The following DIP2C variants were observed in gnomAD, a reference collection of about 807,000 sequenced individuals.
DIP2C encodes DIP2 acetate--CoA ligase C (putative), also known as disco-interacting protein 2 homolog C.
DIP2C carries 33 observed loss-of-function variants against 192.4 expected under a neutral mutation model. The ratio of observed to expected loss-of-function variants is 0.17; its 90% confidence interval spans 0.13 to 0.23. The LOEUF is 0.23. DIP2C is among the 10% of genes least tolerant of loss of function. The pLI is 1.00. For synonymous variants in DIP2C, 979 were observed against 864.1 expected, an observed-to-expected ratio of 1.13 and a Z score of -2.33; for missense variants, 1,537 against 2,110.1, an observed-to-expected ratio of 0.73 and a Z score of 5.32.
chr10:514,578 A>G (rs1212278498), intron 1 of DIP2C, among the ~76,000 whole-genome samples: 2 of 152,014 alleles, frequency 1.3e-5, no homozygotes, highest in Non-Finnish European at 2.9e-5. Context: ...ACCTCACTCC[A>G]AGGACCGCGG....
chr10:364,032 A>T (rs1959873035), intron 20 of DIP2C, among the ~76,000 whole-genome samples: 1 of 152,106 alleles, frequency 6.6e-6, no homozygotes, highest in Admixed American at 6.5e-5. Flanking sequence ...TGACTGAACC[A>T]TTGTCCTTGG....
Position 367,199 on chromosome 10 carries a change from C to T in DIP2C, c.2132-788G>A, listed in dbSNP as rs190407107. 8.7e-3 allele frequency among the ~76,000 whole-genome samples: 1,328 copies of T among 152,262 alleles called. 40 individuals are homozygous for T. The highest frequency in any genetic ancestry group is 0.069 in the East Asian group (355 of 5,158). On this transcript the variant is annotated intron_variant, in intron 18 of 36. Transcript: ENST00000280886. ...TTGGGAGGCCGAGGCGGGCGGATCA[C>T]AAGGTCAGGAGATCGAGACCATCCT...
intron 4 of DIP2C, among the ~76,000 whole-genome samples, chr10:425,850 T>C (rs910103253): frequency 1.3e-5 from 2 of 152,214 alleles, no homozygotes; most frequent in Admixed American, 6.5e-5. Flanking sequence ...AAATCAGGAA[T>C]AGAAGGCAAT....
chr10:356,564 C>A, intron 23 of DIP2C, 58 bp from the exon 24 acceptor site: 2 of 1,500,826 alleles, frequency 1.3e-6, no homozygotes, highest in Non-Finnish European at 9.1e-7. Flanking sequence ...GCTGTGCGGG[C>A]TGAGGTGGGG....
At chr10:481,696 G>A (rs1370961298) in intron 2 of DIP2C, among the ~76,000 whole-genome samples, 11 of 152,338 alleles carry the variant, frequency 7.2e-5, no homozygotes, top group East Asian at 3.9e-4. Flanking sequence ...GAAGGTCTCC[G>A]GTGCCTGTTC....
chr10:509,427 C>A (rs1259448215), intron 1 of DIP2C, among the ~76,000 whole-genome samples: 1 of 152,192 alleles, frequency 6.6e-6, no homozygotes, highest in Non-Finnish European at 1.5e-5. Flanking sequence ...GCTGCTCCCC[C>A]TCCCACCCCG....
intron 1 of DIP2C, among the ~76,000 whole-genome samples, chr10:596,496 CAAAAAAAAAAAAAAAAAAAA>C (rs56298679): frequency 1.9e-5 from 1 of 52,932 alleles, no homozygotes; most frequent in Non-Finnish European, 3.2e-5. Flanking sequence ...AACTCCATCT[CAAAAAAAAAAAAAAAAAAAA>C]AAAAAAAAAA....
intron 1 of DIP2C, among the ~76,000 whole-genome samples, chr10:564,163 C>T (rs1192171384): frequency 6.6e-6 from 1 of 152,134 alleles, no homozygotes; most frequent in African/African-American, 2.4e-5. Flanking sequence ...GTGTCTGAGT[C>T]CATGGTGGTC....
chr10:319,730 T>C (rs2132383536), intron 31 of DIP2C, among the ~76,000 whole-genome samples: 1 of 152,366 alleles, frequency 6.6e-6, no homozygotes, highest in Admixed American at 6.5e-5. Context: ...ATTGAAATTC[T>C]TTTAAAGTCA....
intron 2 of DIP2C, among the ~76,000 whole-genome samples, chr10:485,682 C>A (rs574858501): frequency 6.6e-6 from 1 of 152,284 alleles, no homozygotes; most frequent in African/African-American, 2.4e-5. Flanking sequence ...ATCCTTAAAC[C>A]TTCTAAAATC....
At chr10:627,709 G>A (rs1187957423) in intron 1 of DIP2C, among the ~76,000 whole-genome samples, 13 of 152,258 alleles carry the variant, frequency 8.5e-5, no homozygotes, top group Admixed American at 7.8e-4. Context: ...AGATCGTTGA[G>A]GGCCGTGCAC....
At chr10:649,831 A>C (rs1423892565) in intron 1 of DIP2C, 1 of 467,222 alleles carries the variant, frequency 2.1e-6, no homozygotes, top group Non-Finnish European at 3.8e-6. Context: ...AAAACCATTG[A>C]AGTTTTTATT....
At chr10:354,920 G>A (rs1959004302) in intron 24 of DIP2C, among the ~76,000 whole-genome samples, 1 of 151,872 alleles carries the variant, frequency 6.6e-6, no homozygotes. Context: ...AGTCAGACAA[G>A]CAGAGATGGG....
chr10:434,210 A>G (rs1409959946), intron 4 of DIP2C, among the ~76,000 whole-genome samples: 1 of 152,224 alleles, frequency 6.6e-6, no homozygotes, highest in Non-Finnish European at 1.5e-5. Flanking sequence ...TGTCGCTATT[A>G]TGAATGAACT....
chr10:371,119 C>T (rs749211858), intron 17 of DIP2C, among the ~76,000 whole-genome samples: 7 of 151,964 alleles, frequency 4.6e-5, no homozygotes, highest in African/African-American at 9.7e-5. Flanking sequence ...AAAATGAAAA[C>T]ACAGGTGTTG....
chr10:436,551 T>C (rs112400611), intron 4 of DIP2C, among the ~76,000 whole-genome samples: 2,456 of 148,974 alleles, frequency 0.016, 70 homozygotes, highest in African/African-American at 0.057. Context: ...ACACCTGAGC[T>C]CTGAGCTCCA....
intron 1 of DIP2C, among the ~76,000 whole-genome samples, chr10:611,808 C>T (rs968478481): frequency 6.6e-6 from 1 of 152,188 alleles, no homozygotes; most frequent in Non-Finnish European, 1.5e-5. Flanking sequence ...TTCGTACTAA[C>T]ATGATATTCA....
chr10:539,772 C>A (rs1009357784), intron 1 of DIP2C, among the ~76,000 whole-genome samples: 2 of 152,186 alleles, frequency 1.3e-5, no homozygotes, highest in Non-Finnish European at 2.9e-5. Flanking sequence ...TTAAAGGAAT[C>A]ACACTCATAC....
At chr10:627,349 C>T (rs1264369569) in intron 1 of DIP2C, among the ~76,000 whole-genome samples, 1 of 152,256 alleles carries the variant, frequency 6.6e-6, no homozygotes, top group Non-Finnish European at 1.5e-5. Flanking sequence ...GCATCTGGAC[C>T]TGTGTCACCA....
Sources: gnomAD v4.1 joint callset for allele counts (sites outside exome capture counted in the v4.1 genomes callset) on GRCh38, gnomAD v4.1.1 for gene constraint, MANE v1.5 for transcripts, NCBI Gene and HGNC (gene_info 2026-07-23, HGNC 2026-07-21) for gene names.